RGS6: variants seen among roughly 807,000 people sequenced by gnomAD.
The protein encoded by RGS6 is regulator of G-protein signaling 6.
RGS6 carries 30 observed loss-of-function variants against 78.5 expected under a neutral mutation model. The ratio of observed to expected loss-of-function variants is 0.38; its 90% confidence interval spans 0.29 to 0.52. The LOEUF is 0.52. RGS6 is among the 20% of genes least tolerant of loss of function. The pLI is 0.85. For synonymous variants in RGS6, 206 were observed against 206.0 expected (o/e 1.00, Z 0.00); for missense variants, 495 against 609.7 (o/e 0.81, Z 1.98).
intron 2 of RGS6, among the ~76,000 whole-genome samples, chr14:71,966,972 C>A (rs1016107926): frequency 2.6e-5 from 4 of 151,392 alleles, no homozygotes; most frequent in Non-Finnish European, 5.9e-5. Context: ...GTCATGTAAC[C>A]CAACCACCTT....
rs180781005 is a variant in RGS6, at chr14:72,213,134, G to A, written c.85-138961G>A. On this transcript the variant is annotated intron_variant, in intron 2 of 17. Transcript: ENST00000553525. Reference sequence around the variant, plus strand: ...AGCTTGACTATGAGGCCTGTGTTAGGAGGTTTCTCCTTGGGGAAAGATAAT... The same window carrying A: ...AGCTTGACTATGAGGCCTGTGTTAGAAGGTTTCTCCTTGGGGAAAGATAAT... 2.1e-3 allele frequency among the ~76,000 whole-genome samples: 323 copies of A among 152,278 alleles called. 1 individual carries two copies. The highest frequency in any genetic ancestry group is 7.5e-3 in the African/African-American group (311 of 41,532).
intron 2 of RGS6, among the ~76,000 whole-genome samples, chr14:71,981,666 G>C (rs1000194484): frequency 6.6e-6 from 1 of 151,778 alleles, no homozygotes; most frequent in African/African-American, 2.4e-5. Context: ...GCTGCGTGCT[G>C]GGAGAACCAC....
the RGS6 span, among the ~76,000 whole-genome samples, chr14:71,910,658 G>A: frequency 6.6e-6 from 1 of 152,210 alleles, no homozygotes; most frequent in Non-Finnish European, 1.5e-5. Context: ...AAATGGTGAG[G>A]ACAGCAGCAT....
intron 17 of RGS6, chr14:72,547,373 A>ACCCCCCCCCC (rs34941449): frequency 9.1e-7 from 1 of 1,100,374 alleles, no homozygotes; most frequent in African/African-American, 1.7e-5. Context: ...AAGAAGTAAG[A>ACCCCCCCCCC]CCCCCCCCCG....
At chr14:72,228,717 G>A (rs577607088) in intron 2 of RGS6, among the ~76,000 whole-genome samples, 11 of 152,286 alleles carry the variant, frequency 7.2e-5, no homozygotes, top group African/African-American at 2.2e-4. Context: ...AAGAGGTAGC[G>A]TGGGGAGACT....
intron 2 of RGS6, among the ~76,000 whole-genome samples, chr14:71,974,655 C>T (rs1401224837): frequency 6.6e-6 from 1 of 152,152 alleles, no homozygotes; most frequent in East Asian, 1.9e-4. Context: ...TAAAACCCTA[C>T]AAGATTTTTT....
At chr14:72,605,060 G>A in the RGS6 span, among the ~76,000 whole-genome samples, 2 of 152,276 alleles carry the variant, frequency 1.3e-5, no homozygotes, top group South Asian at 4.1e-4. Context: ...AAAATGCCGT[G>A]GCACTGTAGA....
intron 2 of RGS6, among the ~76,000 whole-genome samples, chr14:72,010,494 T>C (rs912332786): frequency 6.6e-6 from 1 of 152,202 alleles, no homozygotes; most frequent in African/African-American, 2.4e-5. Flanking sequence ...AAGGTGTATT[T>C]GAGTGTGTGC....
At chr14:72,129,606 C>T (rs747421882) in intron 2 of RGS6, among the ~76,000 whole-genome samples, 3 of 152,124 alleles carry the variant, frequency 2.0e-5, no homozygotes, top group Admixed American at 6.5e-5. Context: ...CTGAGGTTTC[C>T]GGTGGCTCCG....
At chr14:72,395,724 G>A (rs1257367669) in intron 3 of RGS6, among the ~76,000 whole-genome samples, 17 of 147,178 alleles carry the variant, frequency 1.2e-4, no homozygotes, top group South Asian at 6.7e-4. Flanking sequence ...GATGTTCCCC[G>A]TCCTGTGTCC....
intron 3 of RGS6, among the ~76,000 whole-genome samples, chr14:72,449,349 G>A (rs907063522): frequency 6.6e-6 from 1 of 152,178 alleles, no homozygotes; most frequent in South Asian, 2.1e-4. Context: ...CAGGTGATGG[G>A]AACCAGTCTT....
chr14:72,129,854 C>T (rs575515150), intron 2 of RGS6, among the ~76,000 whole-genome samples: 86 of 152,268 alleles, frequency 5.6e-4, no homozygotes, highest in African/African-American at 2.0e-3. Context: ...AAAGAAACCC[C>T]ACCTCATGAT....
chr14:72,361,643 G>GC (rs776992617), intron 3 of RGS6, among the ~76,000 whole-genome samples: 2 of 152,152 alleles, frequency 1.3e-5, no homozygotes, highest in Non-Finnish European at 2.9e-5. Context: ...GAACTGAGAG[G>GC]CCATGATACT....
chr14:72,448,525 G>A (rs1041807574), intron 3 of RGS6, among the ~76,000 whole-genome samples: 2 of 151,522 alleles, frequency 1.3e-5, no homozygotes, highest in Non-Finnish European at 2.9e-5. Flanking sequence ...AAAAAAAGAC[G>A]GTAAAGATTG....
intron 2 of RGS6, among the ~76,000 whole-genome samples, chr14:72,347,441 C>G (rs1164125470): frequency 6.6e-6 from 1 of 152,224 alleles, no homozygotes; most frequent in Non-Finnish European, 1.5e-5. Flanking sequence ...TCTGCATCCT[C>G]CTCTGCCCTT....
At chr14:71,953,656 T>TA (rs1322731888) in intron 1 of RGS6, among the ~76,000 whole-genome samples, 1 of 152,190 alleles carries the variant, frequency 6.6e-6, no homozygotes, top group Non-Finnish European at 1.5e-5. Context: ...GCTAGCCTTT[T>TA]AAAAAATATT....
chr14:72,410,674 T>C (rs1254815423), intron 3 of RGS6, among the ~76,000 whole-genome samples: 1 of 152,132 alleles, frequency 6.6e-6, no homozygotes, highest in Admixed American at 6.6e-5. Context: ...ATTGCCTAGG[T>C]TTTCTTGTAG....
At chr14:72,113,172 G>A (rs1021289135) in intron 2 of RGS6, among the ~76,000 whole-genome samples, 1 of 152,234 alleles carries the variant, frequency 6.6e-6, no homozygotes, top group African/African-American at 2.4e-5. Context: ...CCCCCGACAT[G>A]TGGATGACTA....
intron 2 of RGS6, among the ~76,000 whole-genome samples, chr14:72,269,170 A>G (rs890674950): frequency 1.3e-5 from 2 of 151,062 alleles, no homozygotes; most frequent in Non-Finnish European, 2.9e-5. Flanking sequence ...AGCCTCCATC[A>G]TCTCTCTCCT....
Sources: allele counts gnomAD v4.1 joint callset (sites outside exome capture counted in the v4.1 genomes callset), GRCh38; gene constraint gnomAD v4.1.1; transcripts MANE v1.5; gene names NCBI Gene and HGNC (gene_info 2026-07-23, HGNC 2026-07-21).